TNN: variants seen among roughly 807,000 people sequenced by gnomAD.
TNN encodes tenascin-N.
Under a neutral mutation model 134.4 loss-of-function variants are expected in TNN, and 122 were observed. The observed-to-expected ratio is 0.91, with a 90% CI of 0.78 to 1.06. The LOEUF (loss-of-function observed/expected upper bound fraction) is 1.06. TNN is among the 50% of genes least tolerant of loss of function. The pLI is 0.00. For missense variants in TNN, 1,739 were observed against 1,699.4 expected (o/e 1.02, Z -0.41); for synonymous variants, 710 against 670.3 (o/e 1.06, Z -0.91).
At chr1:175,108,201 G>A (rs532753011) in intron 9 of TNN, among the ~76,000 whole-genome samples, 5 of 151,838 alleles carry the variant, frequency 3.3e-5, no homozygotes, top group Admixed American at 6.6e-5. Context: ...GGTGCTGGTT[G>A]GGGTATTTAC....
Position 175,079,626 on chromosome 1 carries a change from G to A in TNN, c.703G>A (p.Gly235Ser), listed in dbSNP as rs754464448. Residue 235 changes from glycine (G) to serine (S), a missense_variant, in exon 3 of 19, where the codon GGC becomes AGC. Gly to Ser is a moderately conservative substitution (Grantham distance 56, BLOSUM62 0). Coordinates refer to ENST00000239462, the MANE Select transcript of TNN (RefSeq NM_022093.2). ...SEDCSEKRCP[G>S]DCSGHGFCDT... Reference sequence around the variant, plus strand: ...GGACTGCAGCGAGAAGCGCTGTCCCGGCGACTGCAGCGGCCACGGCTTCTG... The same window carrying A: ...GGACTGCAGCGAGAAGCGCTGTCCCAGCGACTGCAGCGGCCACGGCTTCTG... 7 of 1,604,414 alleles carry A rather than the reference G, an allele frequency of 4.4e-6. No individual in the cohort carries two copies. The highest frequency in any genetic ancestry group is 1.7e-5 in the Admixed American group (1 of 59,168).
intron 12 of TNN, among the ~76,000 whole-genome samples, chr1:175,125,741 C>CT (rs1488955370): frequency 1.5e-5 from 2 of 131,516 alleles, no homozygotes; most frequent in East Asian, 4.6e-4. Context: ...TTCTTTCTTT[C>CT]TTTCTTTCTT....
At chr1:175,095,873 C>G (rs1269299282) in intron 7 of TNN, among the ~76,000 whole-genome samples, 3 of 152,230 alleles carry the variant, frequency 2.0e-5, no homozygotes, top group Admixed American at 6.5e-5. Context: ...CCACGCCCGG[C>G]CCATTTTTAA....
intron 18 of TNN, 21 bp from the exon 19 acceptor site, chr1:175,146,910 C>CTTTT (rs11450833): frequency 5.3e-5 from 71 of 1,340,298 alleles, no homozygotes; most frequent in South Asian, 3.2e-4. Flanking sequence ...CTTGATGTGG[C>CTTTT]TTTTTTTTTT....
At chr1:175,087,292 A>G (rs915642080) in intron 6 of TNN, among the ~76,000 whole-genome samples, 1 of 152,234 alleles carries the variant, frequency 6.6e-6, no homozygotes, top group Non-Finnish European at 1.5e-5. Flanking sequence ...GGAGGGTATA[A>G]TTCCCATGTT....
At chr1:175,130,482 C>G (rs1675650373) in intron 15 of TNN, among the ~76,000 whole-genome samples, 1 of 152,192 alleles carries the variant, frequency 6.6e-6, no homozygotes, top group South Asian at 2.1e-4. Context: ...TCATCAGCAC[C>G]ATTGTAAGGC....
At chr1:175,100,073 C>A (rs1674680686) in intron 9 of TNN, among the ~76,000 whole-genome samples, 2 of 152,188 alleles carry the variant, frequency 1.3e-5, no homozygotes, top group South Asian at 2.1e-4. Context: ...AATGCTACAG[C>A]CTGTCTTTGC....
At chr1:175,094,623 A>G (rs151270392) in intron 7 of TNN, among the ~76,000 whole-genome samples, 166 of 152,328 alleles carry the variant, frequency 1.1e-3, no homozygotes, top group Non-Finnish European at 2.0e-3. Context: ...CACTTTGCAT[A>G]TAATCTGGAG....
At chr1:175,081,298 G>A (rs915802557) in intron 4 of TNN, among the ~76,000 whole-genome samples, 4 of 152,188 alleles carry the variant, frequency 2.6e-5, no homozygotes, top group Non-Finnish European at 5.9e-5. Flanking sequence ...TTGTCTCCTC[G>A]TGAACATTCT....
At chr1:175,145,553 A>C (rs944786905) in intron 18 of TNN, among the ~76,000 whole-genome samples, 3 of 70,030 alleles carry the variant, frequency 4.3e-5, no homozygotes, top group African/African-American at 1.7e-4. Flanking sequence ...ACCCTGTCTC[A>C]AAAAAAAAAA....
chr1:175,077,560 A>T lies in TNN; in HGVS notation c.142A>T (p.Ile48Phe). Residue 48 changes from isoleucine to phenylalanine, a missense_variant, in exon 2 of 19, where the codon ATC becomes TTC. Coordinates refer to ENST00000239462, the MANE Select transcript of TNN (RefSeq NM_022093.2). Reference protein sequence around the residue: ...QQVTVSHTYKIDVPKSALVQV... With the variant: ...QQVTVSHTYKFDVPKSALVQV... ...GGTCACTGTCAGCCACACCTACAAG[A>T]TCGATGTGCCCAAGTCTGCCTTGGT... 1.2e-6 allele frequency: 2 copies of T among 1,614,164 alleles called. No individual in the cohort carries two copies. The highest frequency in any genetic ancestry group is 1.1e-5 in the South Asian group (1 of 91,086).
chr1:175,096,929 A>G (rs958059379), intron 7 of TNN, among the ~76,000 whole-genome samples: 1 of 152,188 alleles, frequency 6.6e-6, no homozygotes, highest in African/African-American at 2.4e-5. Flanking sequence ...GATACTATCA[A>G]TTAAAAAGTC....
rs540425264 is a variant in TNN, at chr1:175,142,461, C to T, written c.3596-1926C>T. ...CACAGCAGGTATTCAGTAAATGTTC[C>T]CTAAAAAACAAGTGAAGTTGTAGAC... On this transcript the variant is annotated intron_variant, in intron 17 of 18. Transcript: ENST00000239462. 1.0e-4 allele frequency among the ~76,000 whole-genome samples: 6 copies of T among 57,506 alleles called. No homozygotes were observed. The Admixed American group carries it at 1.1e-3, about 10-fold the overall frequency. 37.7% of individuals were successfully genotyped at this position (57,506 alleles called of 152,430 possible). A position where few individuals can be genotyped will look rare whatever the true frequency, so the allele number is the denominator to read the frequency against.
chr1:175,129,695 C>T (rs180744661), intron 15 of TNN, among the ~76,000 whole-genome samples: 11 of 150,894 alleles, frequency 7.3e-5, no homozygotes. Flanking sequence ...AAGTGCCTGG[C>T]CTAAGTCATA....
At position 175,123,434 on chromosome 1, in the gene TNN, G is replaced by C. The variant is rs1675428130; in HGVS notation, c.2685G>C (p.Trp895Cys). Residue 895 changes from tryptophan (W) to cysteine (C), a missense_variant, in exon 12 of 19, where the codon TGG becomes TGC. Physicochemically the swap from Trp to Cys is radical, Grantham distance 215. Coordinates refer to ENST00000239462, the MANE Select transcript of TNN (RefSeq NM_022093.2). The part of the protein sequence containing the change: ...IDGPKNLVTD[W>C]VTENMATVSW... ...GCCCCAAAAACCTAGTGACTGACTG[G>C]GTGACGGAGAATATGGCCACTGTCT... 1 of 1,614,192 alleles carries C rather than the reference G, an allele frequency of 6.2e-7. No homozygotes were observed. The highest frequency in any genetic ancestry group is 8.5e-7 in the Non-Finnish European group (1 of 1,180,040).
rs760200551 is a variant in TNN, at chr1:175,085,419, A to G, written c.1249A>G (p.Thr417Ala). 1 of 1,611,920 alleles carries G rather than the reference A, an allele frequency of 6.2e-7. No individual in the cohort carries two copies. Among genetic ancestry groups the G allele is most frequent in the Non-Finnish European group, 8.5e-7 (1 of 1,178,612 alleles). ...RYDITGLHPGTEYKITVVPMR... is the reference protein window; with the variant it reads ...RYDITGLHPGAEYKITVVPMR... ...CTTGTTTCCAGGTCTGCACCCGGGGACTGAGTATAAGATCACGGTGGTGCC... is the reference window on the plus strand; with the variant it reads ...CTTGTTTCCAGGTCTGCACCCGGGGGCTGAGTATAAGATCACGGTGGTGCC... The change falls in exon 6 of 19, where the codon ACT becomes GCT. Residue 417 changes from threonine to alanine, a missense_variant. Coordinates refer to ENST00000239462, the MANE Select transcript of TNN (RefSeq NM_022093.2).
chr1:175,091,559 T>TATATTTA (rs1558353471), intron 6 of TNN, among the ~76,000 whole-genome samples: 6 of 141,688 alleles, frequency 4.2e-5, no homozygotes, highest in Admixed American at 2.1e-4. Flanking sequence ...TATTTATTAT[T>TATATTTA]TTTATTTATT....
rs767008119 is a variant in TNN, at chr1:175,147,035, G to A, written c.3864G>A (p.Lys1288=). The change falls in exon 19 of 19, where the codon AAG becomes AAA. Residue 1288 remains lysine (K), a synonymous_variant. Coordinates refer to ENST00000239462, the MANE Select transcript of TNN (RefSeq NM_022093.2). The stretch of plus-strand genomic sequence containing the variant: ...GCAGGGAGCCTGTCCTGGGCAGAAA[G>A]AAGCGGACGCTGAGAGGAAGGCTGC... The part of the protein sequence containing the change: ...GYSREPVLGR[K]KRTLRGRLRT... 1 of 1,596,730 alleles carries A rather than the reference G, an allele frequency of 6.3e-7. No individual in the cohort carries two copies. The highest frequency in any genetic ancestry group is 8.5e-7 in the Non-Finnish European group (1 of 1,170,856).
chr1:175,111,295 G>T (rs1675017757), intron 9 of TNN, among the ~76,000 whole-genome samples: 1 of 151,768 alleles, frequency 6.6e-6, no homozygotes, highest in South Asian at 2.1e-4. Flanking sequence ...TCCAGCCTGG[G>T]CAACAAGAGT....
Sources: gnomAD v4.1 joint callset for allele counts (sites outside exome capture counted in the v4.1 genomes callset) on GRCh38, gnomAD v4.1.1 for gene constraint, MANE v1.5 for transcripts, NCBI Gene and HGNC (gene_info 2026-07-23, HGNC 2026-07-21) for gene names.